ANKRD13B: variants seen among roughly 807,000 people sequenced by gnomAD.
The protein encoded by ANKRD13B is ankyrin repeat domain 13B.
ANKRD13B carries 33 observed loss-of-function variants against 74.4 expected under a neutral mutation model. The observed-to-expected ratio is 0.44, with a 90% CI of 0.34 to 0.59. The LOEUF is 0.59. Among genes scored for constraint, ANKRD13B ranks in the 20% least tolerant of loss-of-function variants. The pLI, the probability that ANKRD13B is intolerant of heterozygous loss-of-function variation, is 0.02. For synonymous variants in ANKRD13B, 341 were observed against 362.9 expected, an observed-to-expected ratio of 0.94 and a Z score of 0.68; for missense variants, 676 against 877.9, an observed-to-expected ratio of 0.77 and a Z score of 2.91.
chr17:29,595,837 C>T (rs551436102), intron 1 of ANKRD13B, among the ~76,000 whole-genome samples: 1 of 152,266 alleles, frequency 6.6e-6, no homozygotes, highest in East Asian at 1.9e-4. Flanking sequence ...AAGAGGAATG[C>T]CACTCCGTGT....
At chr17:29,613,043 C>T in intron 14 of ANKRD13B, 80 bp downstream of exon 14, 2 of 1,516,006 alleles carry the variant, frequency 1.3e-6, no homozygotes. Context: ...GGAGAACCCG[C>T]GGGGCCCTCG....
rs1208862114 is a variant in ANKRD13B, at chr17:29,609,036, G to A, written c.565+42G>A. ...GTGGGGCAGGGTGGGGACGATGGGA[G>A]GCAGCCCCAGGCCACCCCTGATCCC... On this transcript the variant is annotated intron_variant, in intron 5 of 14. Transcript: ENST00000394859. The surrounding 1 kb of genome is among the most constrained non-coding windows in gnomAD (Gnocchi z 4.0). 3 of 1,612,994 alleles carry A rather than the reference G, an allele frequency of 1.9e-6. No individual in the cohort carries two copies. Among genetic ancestry groups the A allele is most frequent in the Non-Finnish European group, 2.5e-6 (3 of 1,179,962 alleles).
intron 1 of ANKRD13B, among the ~76,000 whole-genome samples, chr17:29,605,410 AC>A (rs2034332412): frequency 7.3e-6 from 1 of 137,842 alleles, no homozygotes; most frequent in South Asian, 2.3e-4. Flanking sequence ...ATATATACAC[AC>A]ACAAACACAC....
chr17:29,613,015 C>T, intron 14 of ANKRD13B, 52 bp downstream of exon 14: 1 of 1,565,730 alleles, frequency 6.4e-7, no homozygotes, highest in South Asian at 1.1e-5. Flanking sequence ...CCTGTCTCCC[C>T]TAAGCCAGGA....
At position 29,611,987 on chromosome 17, in the gene ANKRD13B, C is replaced by CG; in HGVS notation, c.1081_1082insG (p.Leu361ArgfsTer16). ...CCGTGATATGGGCCGCCCCATGGAACTGACCACCAAGACACAGAAGTGAGG... is the reference window on the plus strand; with the variant it reads ...CCGTGATATGGGCCGCCCCATGGAACGTGACCACCAAGACACAGAAGTGAGG... On this transcript the variant is annotated frameshift_variant, in exon 10 of 15. Transcript: ENST00000394859. LOFTEE classifies it high-confidence loss of function. This position sits in a 1 kb window ranked among gnomAD's most constrained non-coding sequence, Gnocchi z 4.3. 2 of 1,613,292 alleles carry CG rather than the reference C, an allele frequency of 1.2e-6. No homozygotes were observed. The highest frequency in any genetic ancestry group is 1.7e-6 in the Non-Finnish European group (2 of 1,179,592).
At chr17:29,600,062 G>A (rs71376569) in intron 1 of ANKRD13B, among the ~76,000 whole-genome samples, 1 of 151,820 alleles carries the variant, frequency 6.6e-6, no homozygotes, top group African/African-American at 2.4e-5. Context: ...ATTTTTAGTA[G>A]AGACGGGGTT....
intron 1 of ANKRD13B, chr17:29,594,057 T>A (rs2033866733): frequency 6.1e-6 from 1 of 165,056 alleles, no homozygotes; most frequent in South Asian, 2.0e-4. Flanking sequence ...CCCAGCCAGT[T>A]GAGCGGCGAC....
intron 1 of ANKRD13B, among the ~76,000 whole-genome samples, chr17:29,607,123 A>G (rs1266546653): frequency 6.6e-6 from 1 of 152,218 alleles, no homozygotes; most frequent in Non-Finnish European, 1.5e-5. Flanking sequence ...ATCTCATGCA[A>G]TGTAATCATG....
chr17:29,602,848 T>G (rs1454683950), intron 1 of ANKRD13B, among the ~76,000 whole-genome samples: 1 of 152,146 alleles, frequency 6.6e-6, no homozygotes, highest in African/African-American at 2.4e-5. Flanking sequence ...TTTCTTTCTT[T>G]TATTATTTAT....
rs867377350 is a variant in ANKRD13B at position 29,611,167 on chromosome 17, G to A, written c.904+401G>A. 2.2e-4 allele frequency among the ~76,000 whole-genome samples: 33 copies of A among 152,130 alleles called. No individual in the cohort carries two copies. The highest frequency in any genetic ancestry group is 7.2e-4 in the African/African-American group (30 of 41,406). On this transcript the variant is annotated intron_variant, in intron 8 of 14. Coordinates refer to ENST00000394859, the MANE Select transcript of ANKRD13B (RefSeq NM_152345.5). The surrounding 1 kb of genome is among the most constrained non-coding windows in gnomAD (Gnocchi z 4.3). ...CCTGATTCTCTGGGTACCAGATACC[G>A]TGTCCGAGGTGAAAAAGCATAATTT...
rs764619213 is a variant in ANKRD13B at position 29,609,040 on chromosome 17, GCCCCAGGCCA to G, written c.566-41_566-32del. The G allele has an allele frequency of 6.2e-7, 1 of 1,612,880 alleles. No homozygotes were observed. Among genetic ancestry groups the G allele is most frequent in the Non-Finnish European group, 8.5e-7 (1 of 1,179,926 alleles). Reference sequence around the variant, plus strand: ...GGCAGGGTGGGGACGATGGGAGGCAGCCCCAGGCCACCCCTGATCCCCCTGTGCTGTTCCG... The same window carrying G: ...GGCAGGGTGGGGACGATGGGAGGCAGCCCCTGATCCCCCTGTGCTGTTCCG... On this transcript the variant is annotated intron_variant, in intron 5 of 14. Coordinates refer to ENST00000394859, the MANE Select transcript of ANKRD13B (RefSeq NM_152345.5). This position sits in a 1 kb window ranked among gnomAD's most constrained non-coding sequence, Gnocchi z 4.0.
chr17:29,611,725 T>C lies in ANKRD13B; in HGVS notation c.969+82T>C, dbSNP rs1239399355. On this transcript the variant is annotated intron_variant, in intron 9 of 14. Transcript: ENST00000394859. The surrounding 1 kb of genome is among the most constrained non-coding windows in gnomAD (Gnocchi z 4.3). ...GGCTTGGGAAGCGTCCTGCTTAGCA[T>C]GGCCTATGTGGACCTCCTTTCCACA... The C allele has an allele frequency of 1.0e-5, 16 of 1,581,846 alleles. No homozygotes were observed. The Admixed American group carries it at 2.7e-4, about 27-fold the overall frequency.
Position 29,611,766 on chromosome 17 carries a change from T to C in ANKRD13B, c.970-110T>C. The C allele has an allele frequency of 1.3e-6, 2 of 1,569,074 alleles. No individual in the cohort carries two copies. The highest frequency in any genetic ancestry group is 1.7e-6 in the Non-Finnish European group (2 of 1,148,562). ...CCTTTCCACAATGCCCAAGGCCATG[T>C]CAGCGCCACACTGGCAGAGGGGACA... On this transcript the variant is annotated intron_variant, in intron 9 of 14. Transcript: ENST00000394859. The surrounding 1 kb of genome is among the most constrained non-coding windows in gnomAD (Gnocchi z 4.3).
intron 1 of ANKRD13B, among the ~76,000 whole-genome samples, chr17:29,594,418 G>C (rs1437499598): frequency 6.6e-6 from 1 of 152,224 alleles, no homozygotes; most frequent in East Asian, 1.9e-4. Flanking sequence ...GAGGTTCTGC[G>C]CACCAGGTGG....
At position 29,608,102 on chromosome 17, in the gene ANKRD13B, C is replaced by A; in HGVS notation, c.367C>A (p.Leu123Met). Residue 123 changes from leucine to methionine, a missense_variant, in exon 3 of 15, where the codon CTG becomes ATG. Leu to Met is a conservative substitution (Grantham distance 15, BLOSUM62 2). Coordinates refer to ENST00000394859, the MANE Select transcript of ANKRD13B (RefSeq NM_152345.5). This position sits in a 1 kb window ranked among gnomAD's most constrained non-coding sequence, Gnocchi z 6.4. Reference protein sequence around the residue: ...LAGIPVLLEKLRKAQDFYVEM... With the variant: ...LAGIPVLLEKMRKAQDFYVEM... ...GGGCATCCCCGTGCTCCTGGAGAAG[C>A]TGCGCAAGGTGAGGCCCAGCCTCTC... 6.2e-7 allele frequency: 1 copy of A among 1,613,150 alleles called. No individual in the cohort carries two copies. Among genetic ancestry groups the A allele is most frequent in the Non-Finnish European group, 8.5e-7 (1 of 1,179,670 alleles).
At chr17:29,601,487 G>T (rs2150881794) in intron 1 of ANKRD13B, among the ~76,000 whole-genome samples, 1 of 151,892 alleles carries the variant, frequency 6.6e-6, no homozygotes, top group East Asian at 1.9e-4. Flanking sequence ...CTCCCAAAGT[G>T]CTGGGATTAC....
At chr17:29,605,480 A>G (rs1159186650) in intron 1 of ANKRD13B, among the ~76,000 whole-genome samples, 1 of 152,116 alleles carries the variant, frequency 6.6e-6, no homozygotes, top group Non-Finnish European at 1.5e-5. Context: ...ATGTATATAT[A>G]TATTTGAGAC....
chr17:29,604,252 A>C (rs2034284617), intron 1 of ANKRD13B, among the ~76,000 whole-genome samples: 1 of 151,572 alleles, frequency 6.6e-6, no homozygotes, highest in Admixed American at 6.6e-5. Context: ...TCTGTCACCC[A>C]GGCTTGAGTG....
intron 1 of ANKRD13B, among the ~76,000 whole-genome samples, chr17:29,605,659 G>A (rs984886728): frequency 1.7e-4 from 26 of 152,018 alleles, no homozygotes; most frequent in Admixed American, 6.5e-4. Context: ...TGTAGAGATG[G>A]GGTTTTGCCA....
Sources: allele counts gnomAD v4.1 joint callset (sites outside exome capture counted in the v4.1 genomes callset), GRCh38; gene constraint gnomAD v4.1.1; non-coding constraint Gnocchi (gnomAD v3.1); transcripts MANE v1.5; gene names NCBI Gene and HGNC (gene_info 2026-07-23, HGNC 2026-07-21).